The following DLGAP2 variants were observed in gnomAD, a reference collection of about 807,000 sequenced individuals.
DLGAP2 encodes DLG associated protein 2.
DLGAP2 carries 26 observed loss-of-function variants against 100.3 expected under a neutral mutation model. The ratio of observed to expected loss-of-function variants is 0.26; its 90% confidence interval spans 0.19 to 0.36. The LOEUF is 0.36. DLGAP2 is among the 10% of genes least tolerant of loss of function. The probability of loss-of-function intolerance (pLI) is 1.00; values close to 1 mark genes in which losing one functional copy is unlikely to be tolerated. For synonymous variants in DLGAP2, 886 were observed against 630.1 expected (o/e 1.41, Z -6.08); for missense variants, 1,858 against 1,453.2 (o/e 1.28, Z -4.53).
At chr8:857,652 C>G (rs540420402) in intron 1 of DLGAP2, among the ~76,000 whole-genome samples, 120 of 152,238 alleles carry the variant, frequency 7.9e-4, no homozygotes, top group Non-Finnish European at 1.5e-3. Context: ...CTGGAATGGC[C>G]AAGATCCAGA....
At chr8:1,528,677 G>T (rs535459425) in intron 4 of DLGAP2, among the ~76,000 whole-genome samples, 8 of 152,324 alleles carry the variant, frequency 5.3e-5, no homozygotes, top group Middle Eastern at 3.4e-3. Flanking sequence ...GCAGCTGTAG[G>T]GACAGGTGAG....
intron 13 of DLGAP2, among the ~76,000 whole-genome samples, chr8:1,694,660 G>A (rs550189975): frequency 2.6e-5 from 4 of 152,212 alleles, no homozygotes; most frequent in African/African-American, 4.8e-5. Flanking sequence ...ATCCAACCCC[G>A]GGGGGTGTGT....
chr8:1,334,596 C>T (rs541409168), intron 3 of DLGAP2, among the ~76,000 whole-genome samples: 5 of 152,076 alleles, frequency 3.3e-5, no homozygotes, highest in African/African-American at 9.7e-5. Flanking sequence ...GCCCTCGACC[C>T]CCCCAGTGGA....
At chr8:1,488,237 T>C (rs1799281068) in intron 3 of DLGAP2, among the ~76,000 whole-genome samples, 1 of 152,052 alleles carries the variant, frequency 6.6e-6, no homozygotes, top group African/African-American at 2.4e-5. Flanking sequence ...CACCCGGCAG[T>C]TCACAGAGAG....
chr8:987,715 C>A (rs1262556194), intron 2 of DLGAP2, among the ~76,000 whole-genome samples: 2 of 151,906 alleles, frequency 1.3e-5, no homozygotes. Flanking sequence ...GGTAATTAGT[C>A]CAAGCCGACG....
chr8:1,061,654 T>C (rs1057020762), intron 2 of DLGAP2, among the ~76,000 whole-genome samples: 66 of 152,164 alleles, frequency 4.3e-4, no homozygotes, highest in African/African-American at 1.5e-3. Context: ...CGAGCGTCCC[T>C]GTGGTGTTTT....
At chr8:1,622,750 A>G (rs371694905) in intron 6 of DLGAP2, among the ~76,000 whole-genome samples, 2 of 152,254 alleles carry the variant, frequency 1.3e-5, no homozygotes, top group Non-Finnish European at 2.9e-5. Context: ...TACTAAGTCC[A>G]TATAGCAAAA....
At chr8:1,661,240 C>T (rs768623399) in intron 8 of DLGAP2, among the ~76,000 whole-genome samples, 14 of 152,216 alleles carry the variant, frequency 9.2e-5, no homozygotes, top group African/African-American at 3.1e-4. Flanking sequence ...CTCCTCATCC[C>T]GCTGAGGTGC....
rs148379404 is a variant in DLGAP2, at chr8:1,590,270, C to A, written c.1442+24376C>A. On this transcript the variant is annotated intron_variant, in intron 6 of 14. Coordinates refer to ENST00000637795, the MANE Select transcript of DLGAP2 (RefSeq NM_001346810.2). Reference sequence around the variant, plus strand: ...CACTGGGGGTGAGGATCTCCATGGACCTCTTCTACAGGGAGACACAGTTCA... The same window carrying A: ...CACTGGGGGTGAGGATCTCCATGGAACTCTTCTACAGGGAGACACAGTTCA... 2.5e-3 allele frequency among the ~76,000 whole-genome samples: 381 copies of A among 152,336 alleles called. 1 individual carries two copies. The highest frequency in any genetic ancestry group is 8.5e-3 in the African/African-American group (353 of 41,574).
At chr8:1,061,557 T>C (rs1236341751) in intron 2 of DLGAP2, among the ~76,000 whole-genome samples, 1 of 152,094 alleles carries the variant, frequency 6.6e-6, no homozygotes, top group Non-Finnish European at 1.5e-5. Context: ...AAGACGTGTG[T>C]GGACTCGGGT....
At chr8:1,416,109 C>G (rs890198979) in intron 3 of DLGAP2, among the ~76,000 whole-genome samples, 1 of 152,164 alleles carries the variant, frequency 6.6e-6, no homozygotes, top group African/African-American at 2.4e-5. Flanking sequence ...TGCATAATAT[C>G]TGCTTGAGGT....
chr8:1,010,806 A>G (rs113675961), intron 2 of DLGAP2, among the ~76,000 whole-genome samples: 2 of 152,216 alleles, frequency 1.3e-5, no homozygotes, highest in African/African-American at 4.8e-5. Context: ...AAAACACCTC[A>G]GAGATCTAAA....
At chr8:905,717 C>T (rs1798364875) in intron 1 of DLGAP2, among the ~76,000 whole-genome samples, 1 of 152,118 alleles carries the variant, frequency 6.6e-6, no homozygotes, top group East Asian at 1.9e-4. Flanking sequence ...GGAGCTGCGG[C>T]ATTTGAGGGG....
At chr8:804,421 C>A (rs909020161) in intron 1 of DLGAP2, among the ~76,000 whole-genome samples, 2 of 152,210 alleles carry the variant, frequency 1.3e-5, no homozygotes, top group Non-Finnish European at 2.9e-5. Flanking sequence ...GTGGAAACCG[C>A]TACTGCACCA....
chr8:1,533,685 T>G (rs951536867), intron 4 of DLGAP2, among the ~76,000 whole-genome samples: 10 of 152,328 alleles, frequency 6.6e-5, no homozygotes, highest in Admixed American at 6.5e-4. Context: ...AAACTTAAAA[T>G]TAACTTAATT....
intron 4 of DLGAP2, among the ~76,000 whole-genome samples, chr8:1,520,784 A>G (rs908436983): frequency 6.6e-6 from 1 of 152,146 alleles, no homozygotes; most frequent in Non-Finnish European, 1.5e-5. Flanking sequence ...ACATCTTCCA[A>G]GTTTGGGCAA....
At chr8:1,164,248 AG>A (rs1422395778) in intron 2 of DLGAP2, among the ~76,000 whole-genome samples, 20 of 130,544 alleles carry the variant, frequency 1.5e-4, no homozygotes, top group South Asian at 7.6e-4. Context: ...TTTTTCTGTG[AG>A]CCCCCCCAGG....
At chr8:851,210 G>A (rs1048846801) in intron 1 of DLGAP2, among the ~76,000 whole-genome samples, 2 of 152,186 alleles carry the variant, frequency 1.3e-5, no homozygotes, top group African/African-American at 4.8e-5. Context: ...TGTGCAGCCC[G>A]GGAGCTGTGG....
At chr8:1,039,399 G>A (rs1488999271) in intron 2 of DLGAP2, among the ~76,000 whole-genome samples, 2 of 149,856 alleles carry the variant, frequency 1.3e-5, no homozygotes, top group African/African-American at 4.9e-5. Context: ...TCCGTGCTAA[G>A]CTTGGTTTCT....
Sources: allele counts gnomAD v4.1 joint callset (sites outside exome capture counted in the v4.1 genomes callset), GRCh38; gene constraint gnomAD v4.1.1; transcripts MANE v1.5; gene names NCBI Gene and HGNC (gene_info 2026-07-23, HGNC 2026-07-21).